The following ITPR2 variants were observed in gnomAD, a reference collection of about 807,000 sequenced individuals.
ITPR2 encodes inositol 1,4,5-trisphosphate receptor type 2, also known as inositol 1,4,5-trisphosphate-gated calcium channel ITPR2.
In ITPR2, 207 loss-of-function variants were observed where a neutral mutation model predicts 317.1. The ratio of observed to expected loss-of-function variants is 0.65; its 90% CI spans 0.58 to 0.73. The LOEUF (loss-of-function observed/expected upper bound fraction) is 0.73. Among genes scored for constraint, ITPR2 ranks in the 30% least tolerant of loss-of-function variants. ITPR2 has a pLI of 0.00. For missense variants in ITPR2, 2,613 were observed against 3,284.0 expected (o/e 0.80, Z 4.99); for synonymous variants, 1,156 against 1,149.1 (o/e 1.01, Z -0.12).
chr12:26,435,025 T>C (rs1358573956), intron 48 of ITPR2, among the ~76,000 whole-genome samples: 3 of 152,134 alleles, frequency 2.0e-5, no homozygotes, highest in Non-Finnish European at 4.4e-5. Flanking sequence ...GCTATTTAAC[T>C]CATACATCCA....
rs561710723 is a variant in ITPR2 at position 26,648,964 on chromosome 12, A to C, written c.2740+5012T>G. 4.6e-5 allele frequency: 7 copies of C among 152,352 alleles called. No homozygotes were observed. In the East Asian group the frequency reaches 1.2e-3, roughly 25 times the overall value. 9.4% of individuals were successfully genotyped at this position (152,352 alleles called of 1,614,324 possible). On this transcript the variant is annotated intron_variant, in intron 21 of 56. Transcript: ENST00000381340. ...AAGAGAGAACCCAGCTATAATATTAATAACACATCTCCTAGTAGAGTTGTA... is the reference window on the plus strand; with the variant it reads ...AAGAGAGAACCCAGCTATAATATTACTAACACATCTCCTAGTAGAGTTGTA...
rs763717150 is a variant in ITPR2 at position 26,531,684 on chromosome 12, A to ACAC, written c.5073+18562_5073+18563insGTG. Among the ~76,000 whole-genome samples, 852 of 131,520 alleles carry ACAC rather than the reference A, an allele frequency of 6.5e-3. 4 individuals carry two copies. The highest frequency in any genetic ancestry group is 0.016 in the Middle Eastern group (4 of 244). 86.3% of individuals were successfully genotyped at this position (131,520 alleles called of 152,430 possible). ...ACACACACACACACACACACACACA[A>ACAC]GTGTGTATCTGAATGATTCAAGACA... On this transcript the variant is annotated intron_variant, in intron 37 of 56. Transcript: ENST00000381340.
chr12:26,590,307 G>A (rs1005103343), intron 32 of ITPR2, among the ~76,000 whole-genome samples: 3 of 152,168 alleles, frequency 2.0e-5, no homozygotes, highest in Non-Finnish European at 2.9e-5. Flanking sequence ...TAGTGAGGAG[G>A]TGTTTATAGT....
chr12:26,491,680 G>A (rs931599811), intron 39 of ITPR2, among the ~76,000 whole-genome samples: 1 of 151,390 alleles, frequency 6.6e-6, no homozygotes, highest in African/African-American at 2.4e-5. Flanking sequence ...GGGATATTAA[G>A]GGGGCAGAAT....
At chr12:26,443,712 T>C in intron 45 of ITPR2, 62 bp from the exon 46 acceptor site, 1 of 1,286,852 alleles carries the variant, frequency 7.8e-7, no homozygotes, top group African/African-American at 1.5e-5. Context: ...GGTCAAACTT[T>C]GCAATATCTT....
intron 54 of ITPR2, among the ~76,000 whole-genome samples, chr12:26,395,660 G>C (rs1939975202): frequency 1.3e-5 from 2 of 152,184 alleles, no homozygotes; most frequent in African/African-American, 4.8e-5. Context: ...AGGTTTCTGA[G>C]GGCAGCATCA....
Position 26,654,034 on chromosome 12 carries a change from G to C in ITPR2, c.2682C>G (p.Asp894Glu). 2.6e-6 allele frequency: 4 copies of C among 1,567,840 alleles called. No homozygotes were observed. Among genetic ancestry groups the C allele is most frequent in the Non-Finnish European group, 3.5e-6 (4 of 1,151,846 alleles). ...ATGATGACATGGGGGCCTGTACAAT[G>C]TCTAAAATAGCCAGAAGTGTTCTTG... ...RLTRTLLAIL[D>E]IVQAPMSSYF... Residue 894 changes from aspartate (D) to glutamate (E), a missense_variant, in exon 21 of 57, where the codon GAC becomes GAG. Around this residue, in one of 9 missense-constraint regions of ITPR2, gnomAD observed 817 missense variants for 897.6 expected, o/e 0.91. Transcript: ENST00000381340.
intron 45 of ITPR2, among the ~76,000 whole-genome samples, chr12:26,461,480 T>C (rs780525241): frequency 4.0e-5 from 6 of 151,812 alleles, no homozygotes; most frequent in Non-Finnish European, 8.8e-5. Context: ...AATGGCAGAG[T>C]TGAGTATCTG....
At chr12:26,621,085 A>G (rs1946481370) in intron 26 of ITPR2, 38 bp downstream of exon 26, 1 of 1,554,852 alleles carries the variant, frequency 6.4e-7, no homozygotes, top group African/African-American at 1.4e-5. Flanking sequence ...CTTAAAAGAC[A>G]TCATTGGGAG....
chr12:26,689,995 T>C (rs1948204199), intron 10 of ITPR2, among the ~76,000 whole-genome samples: 1 of 152,170 alleles, frequency 6.6e-6, no homozygotes, highest in Non-Finnish European at 1.5e-5. Context: ...TTCCTGGATT[T>C]TGGAACCCTA....
intron 36 of ITPR2, among the ~76,000 whole-genome samples, chr12:26,552,060 G>A (rs1177065974): frequency 2.0e-5 from 3 of 152,208 alleles, no homozygotes; most frequent in Non-Finnish European, 4.4e-5. Flanking sequence ...GGGTGAGGAC[G>A]TACGAAGCAA....
In ITPR2 at chr12:26,400,340, A is replaced by G. The variant is rs199773426; in HGVS notation, c.7400-82T>C. Reference sequence around the variant, plus strand: ...AATACACATAAAATGAAATATACATACAATAAATATACATACATATACATA... The same window carrying G: ...AATACACATAAAATGAAATATACATGCAATAAATATACATACATATACATA... On this transcript the variant is annotated intron_variant, in intron 52 of 56. Coordinates refer to ENST00000381340, the MANE Select transcript of ITPR2 (RefSeq NM_002223.4). The G allele has an allele frequency of 1.5e-4, 111 of 740,416 alleles. No homozygotes were observed. The East Asian group carries it at 3.3e-3, about 22-fold the overall frequency. 45.9% of individuals were successfully genotyped at this position (740,416 alleles called of 1,614,324 possible).
chr12:26,531,676 CACACACAA>C (rs773695080), intron 37 of ITPR2, among the ~76,000 whole-genome samples: 159 of 149,958 alleles, frequency 1.1e-3, no homozygotes, highest in Non-Finnish European at 2.1e-3. Flanking sequence ...CACACACACA[CACACACAA>C]GTGTGTATCT....
chr12:26,748,635 T>A (rs116061045), intron 2 of ITPR2, among the ~76,000 whole-genome samples: 100 of 152,324 alleles, frequency 6.6e-4, no homozygotes, highest in African/African-American at 1.9e-3. Context: ...ATTTTTCATG[T>A]GAGACAGACT....
chr12:26,761,392 G>C (rs1949630654), intron 2 of ITPR2, among the ~76,000 whole-genome samples: 1 of 152,104 alleles, frequency 6.6e-6, no homozygotes, highest in Admixed American at 6.6e-5. Context: ...AAATAATCAG[G>C]GAAACACAAA....
intron 26 of ITPR2, among the ~76,000 whole-genome samples, chr12:26,612,958 T>G (rs569343384): frequency 6.6e-6 from 1 of 152,202 alleles, no homozygotes; most frequent in Non-Finnish European, 1.5e-5. Context: ...CTTCTTTCAG[T>G]CATCAGGCCC....
chr12:26,827,266 A>ACGGAGAAAAGAACAATAAACT (rs67342259), intron 1 of ITPR2, among the ~76,000 whole-genome samples: 2 of 149,496 alleles, frequency 1.3e-5, no homozygotes, highest in African/African-American at 5.1e-5. Context: ...TTGCACTTAC[A>ACGGAGAAAAGAACAATAAACT]CGGAGAAAAG....
chr12:26,692,117 G>A (rs944364040), intron 10 of ITPR2, among the ~76,000 whole-genome samples: 4 of 151,832 alleles, frequency 2.6e-5, no homozygotes, highest in Non-Finnish European at 5.9e-5. Flanking sequence ...CTGGTACACC[G>A]CCCCCCCGCC....
intron 55 of ITPR2, among the ~76,000 whole-genome samples, chr12:26,375,724 T>C (rs1436142294): frequency 6.6e-6 from 1 of 152,236 alleles, no homozygotes; most frequent in Non-Finnish European, 1.5e-5. Flanking sequence ...ATTTCAGCTA[T>C]CAAGTATACT....
Sources: allele counts gnomAD v4.1 joint callset (sites outside exome capture counted in the v4.1 genomes callset), GRCh38; gene constraint gnomAD v4.1.1; regional missense constraint gnomAD v4.1.1; transcripts MANE v1.5; gene names NCBI Gene and HGNC (gene_info 2026-07-23, HGNC 2026-07-21).